The following ARID1B variants were observed in gnomAD, a reference collection of about 807,000 sequenced individuals.
The protein encoded by ARID1B is AT-rich interactive domain-containing protein 1B.
A neutral mutation model predicts 212.3 loss-of-function variants in ARID1B; 30 were observed. The ratio of observed to expected loss-of-function variants is 0.14; its 90% CI spans 0.11 to 0.19. The LOEUF (loss-of-function observed/expected upper bound fraction) is 0.19, where lower values mean the gene tolerates loss of function less well. Ranked by LOEUF, ARID1B falls within the 10% of genes least tolerant of loss-of-function variation. The pLI is 1.00. For synonymous variants in ARID1B, 1,402 were observed against 1,301.7 expected (o/e 1.08, Z -1.66); for missense variants, 2,891 against 3,204.0 (o/e 0.90, Z 2.36).
At position 156,778,770 on chromosome 6, in the gene ARID1B, G is replaced by T. The variant is rs1778897511; in HGVS notation, c.1090G>T (p.Asp364Tyr). The T allele has an allele frequency of 2.0e-6, 3 of 1,519,268 alleles. No individual in the cohort carries two copies. The highest frequency in any genetic ancestry group is 2.7e-6 in the Non-Finnish European group (3 of 1,131,584). The allele number at this position is 1,519,268 out of a possible 1,614,324, so 94.1% of individuals were successfully genotyped here. A position where few individuals can be genotyped will look rare whatever the true frequency, so the allele number is the denominator to read the frequency against. The change falls in exon 1 of 20, where the codon GAC (aspartate) becomes TAC (tyrosine). Residue 364 changes from aspartate to tyrosine, a missense_variant. Transcript: ENST00000636930. ...AAAAGAPGSM[D>Y]PLQNSHEGYP... Reference sequence around the variant, plus strand: ...CGCCGCCGGGGCCCCCGGCAGCATGGACCCCCTGCAGAACTCCCACGAAGG... The same window carrying T: ...CGCCGCCGGGGCCCCCGGCAGCATGTACCCCCTGCAGAACTCCCACGAAGG...
Position 156,967,450 on chromosome 6 carries a change from G to T in ARID1B, c.2247+31874G>T, listed in dbSNP as rs549911778. 6.4e-4 allele frequency among the ~76,000 whole-genome samples: 97 copies of T among 152,254 alleles called. 1 individual carries two copies. Among genetic ancestry groups the T allele is most frequent in the Non-Finnish European group, 2.4e-4 (16 of 68,006 alleles). On this transcript the variant is annotated intron_variant, in intron 4 of 19. Transcript: ENST00000636930. Reference sequence around the variant, plus strand: ...AAGTTAATGATTAATTTGGAAATGGGTTTTTTTCCTCCTGATGCTTTTGTC... The same window carrying T: ...AAGTTAATGATTAATTTGGAAATGGTTTTTTTTCCTCCTGATGCTTTTGTC...
chr6:157,141,727 A>G (rs572774921), intron 7 of ARID1B, among the ~76,000 whole-genome samples: 19 of 152,330 alleles, frequency 1.2e-4, no homozygotes, highest in Non-Finnish European at 2.6e-4. Flanking sequence ...GGAAATGAAA[A>G]CTAAAGCCAC....
At chr6:157,002,644 A>C (rs1403357302) in intron 4 of ARID1B, among the ~76,000 whole-genome samples, 1 of 152,214 alleles carries the variant, frequency 6.6e-6, no homozygotes, top group Non-Finnish European at 1.5e-5. Flanking sequence ...AGAATTGCTA[A>C]ATAGTTGCTG....
chr6:156,976,986 G>T, intron 4 of ARID1B: 1 of 523,512 alleles, frequency 1.9e-6, no homozygotes, highest in Non-Finnish European at 3.8e-6. Context: ...TGGTTTCATT[G>T]CACTGACAAC....
At chr6:157,155,134 T>C (rs1790493664) in intron 8 of ARID1B, among the ~76,000 whole-genome samples, 1 of 152,200 alleles carries the variant, frequency 6.6e-6, no homozygotes, top group Non-Finnish European at 1.5e-5. Flanking sequence ...CACGTGCAGC[T>C]CAGAGTTAGA....
intron 4 of ARID1B, among the ~76,000 whole-genome samples, chr6:157,024,949 G>A (rs1780566866): frequency 6.6e-6 from 1 of 152,194 alleles, no homozygotes; most frequent in South Asian, 2.1e-4. Flanking sequence ...TGAAGGTTGT[G>A]TAATAATTTT....
intron 7 of ARID1B, among the ~76,000 whole-genome samples, chr6:157,144,272 A>C (rs1336044812): frequency 6.6e-6 from 1 of 152,200 alleles, no homozygotes; most frequent in Non-Finnish European, 1.5e-5. Flanking sequence ...AAACTCAGAA[A>C]CCTTCTTTCT....
intron 3 of ARID1B, among the ~76,000 whole-genome samples, chr6:156,920,780 G>C (rs576662824): frequency 6.6e-6 from 1 of 152,246 alleles, no homozygotes; most frequent in East Asian, 1.9e-4. Context: ...GATGGTGTCA[G>C]GAAGTCGGGC....
chr6:156,950,713 AG>A (rs1793520220), intron 4 of ARID1B, among the ~76,000 whole-genome samples: 1 of 152,154 alleles, frequency 6.6e-6, no homozygotes, highest in African/African-American at 2.4e-5. Flanking sequence ...ACTGCTGTAA[AG>A]GTAACTGGGG....
intron 2 of ARID1B, among the ~76,000 whole-genome samples, chr6:156,880,775 G>GAAAAAAGAA (rs66501584): frequency 0.098 from 11,022 of 112,910 alleles, 469 homozygotes; most frequent in African/African-American, 0.11. Context: ...GAAAAGAAAA[G>GAAAAAAGAA]AAAAACACAC....
intron 4 of ARID1B, among the ~76,000 whole-genome samples, chr6:157,031,064 T>G (rs1030762495): frequency 1.3e-5 from 2 of 152,020 alleles, no homozygotes. Context: ...TGGTTGGTTT[T>G]TTTTTTTCTT....
chr6:156,810,284 C>G (rs1038691257), intron 1 of ARID1B, among the ~76,000 whole-genome samples: 6 of 152,144 alleles, frequency 3.9e-5, no homozygotes, highest in African/African-American at 1.4e-4. Flanking sequence ...CTGATTCCAT[C>G]TACAGATATA....
At chr6:157,000,452 C>A (rs147230314) in intron 4 of ARID1B, among the ~76,000 whole-genome samples, 1 of 151,958 alleles carries the variant, frequency 6.6e-6, no homozygotes, top group Non-Finnish European at 1.5e-5. Flanking sequence ...TACTATGAAC[C>A]AAAAACAAAT....
At chr6:156,873,467 C>T (rs1255825454) in intron 2 of ARID1B, among the ~76,000 whole-genome samples, 1 of 152,094 alleles carries the variant, frequency 6.6e-6, no homozygotes, top group East Asian at 1.9e-4. Context: ...TTTTTGTAAA[C>T]TTTGTAAAAA....
chr6:156,997,272 T>C (rs556668811), intron 4 of ARID1B, among the ~76,000 whole-genome samples: 1 of 152,320 alleles, frequency 6.6e-6, no homozygotes, highest in South Asian at 2.1e-4. Context: ...GAAGAAACCA[T>C]AGAAGTTTGC....
chr6:156,779,364 A>G lies in ARID1B; in HGVS notation c.1684A>G (p.Met562Val), dbSNP rs1779014525. Reference sequence around the variant, plus strand: ...CGCGGGCATGGGCTTGGGCAAGGACATGGGCGCCCAGTACGCCGCTGCCAG... The same window carrying G: ...CGCGGGCATGGGCTTGGGCAAGGACGTGGGCGCCCAGTACGCCGCTGCCAG... The part of the protein sequence containing the change: ...AAAGMGLGKD[M>V]GAQYAAASPA... The change falls in exon 1 of 20, where the codon ATG becomes GTG. Residue 562 changes from methionine to valine, a missense_variant. Met to Val is a conservative substitution (Grantham distance 21). Transcript: ENST00000636930. The G allele has an allele frequency of 2.3e-6, 3 of 1,326,530 alleles. No individual in the cohort carries two copies. Among genetic ancestry groups the G allele is most frequent in the South Asian group, 3.2e-5 (2 of 62,240 alleles). The allele number at this position is 1,326,530 out of a possible 1,614,324, so 82.2% of individuals were successfully genotyped here.
At chr6:156,917,702 G>A (rs1234988955) in intron 3 of ARID1B, among the ~76,000 whole-genome samples, 1 of 152,174 alleles carries the variant, frequency 6.6e-6, no homozygotes, top group African/African-American at 2.4e-5. Context: ...GTGGGAACTG[G>A]TGATTTATAT....
In ARID1B at chr6:156,778,656, G is replaced by C; in HGVS notation, c.976G>C (p.Gly326Arg). The change falls in exon 1 of 20, where the codon GGC becomes CGC. Residue 326 changes from glycine (G) to arginine (R), a missense_variant. Gly to Arg is a moderately radical substitution (Grantham distance 125, BLOSUM62 -2). Transcript: ENST00000636930. ...YYGSAAPASG[G>R]PGGRAGPCFD... Reference sequence around the variant, plus strand: ...TGGCAGCGCTGCCCCTGCGAGCGGCGGCCCCGGCGGCCGCGCTGGGCCTTG... The same window carrying C: ...TGGCAGCGCTGCCCCTGCGAGCGGCCGCCCCGGCGGCCGCGCTGGGCCTTG... 6.7e-7 allele frequency: 1 copy of C among 1,483,162 alleles called. No homozygotes were observed. The highest frequency in any genetic ancestry group is 9.0e-7 in the Non-Finnish European group (1 of 1,114,188). The allele number at this position is 1,483,162 out of a possible 1,614,324, so 91.9% of individuals were successfully genotyped here.
At chr6:156,877,936 G>A (rs1786695183) in intron 2 of ARID1B, among the ~76,000 whole-genome samples, 1 of 151,636 alleles carries the variant, frequency 6.6e-6, no homozygotes, top group African/African-American at 2.4e-5. Flanking sequence ...GGCTGGTCTC[G>A]AACTCCTGAC....
Sources: gnomAD v4.1 joint callset for allele counts (sites outside exome capture counted in the v4.1 genomes callset) on GRCh38, gnomAD v4.1.1 for gene constraint, MANE v1.5 for transcripts, NCBI Gene and HGNC (gene_info 2026-07-23, HGNC 2026-07-21) for gene names.